ASAP1: variants seen among roughly 807,000 people sequenced by gnomAD.
ASAP1 encodes the protein ArfGAP with SH3 domain, ankyrin repeat and PH domain 1.
ASAP1 carries 43 observed loss-of-function variants against 145.2 expected under a neutral mutation model. The ratio of observed to expected loss-of-function variants is 0.30; its 90% CI spans 0.23 to 0.38. The LOEUF (loss-of-function observed/expected upper bound fraction) is 0.38, where lower values mean the gene tolerates loss of function less well. ASAP1 is among the 10% of genes least tolerant of loss of function. ASAP1 has a pLI of 1.00. For synonymous variants in ASAP1, 546 were observed against 515.5 expected (o/e 1.06, Z -0.80); for missense variants, 1,018 against 1,355.3 (o/e 0.75, Z 3.91).
intron 12 of ASAP1, among the ~76,000 whole-genome samples, chr8:130,154,050 T>C (rs2135970240): frequency 6.6e-6 from 1 of 151,990 alleles, no homozygotes; most frequent in Admixed American, 6.6e-5. Context: ...AAATTAAAGT[T>C]AAGAAAGTAA....
intron 24 of ASAP1, among the ~76,000 whole-genome samples, chr8:130,101,667 C>T (rs907317139): frequency 2.0e-5 from 3 of 149,880 alleles, no homozygotes; most frequent in Non-Finnish European, 4.4e-5. Flanking sequence ...TATGCTCAAG[C>T]GATCTTTTCA....
chr8:130,382,285 C>CAAAAAAAAAA (rs35060121), intron 2 of ASAP1, among the ~76,000 whole-genome samples: 2 of 73,482 alleles, frequency 2.7e-5, no homozygotes, highest in Non-Finnish European at 4.9e-5. Context: ...GATTCTGTCT[C>CAAAAAAAAAA]AAAAAAAAAA....
At chr8:130,410,277 G>A (rs1829208857) in intron 1 of ASAP1, among the ~76,000 whole-genome samples, 1 of 152,082 alleles carries the variant, frequency 6.6e-6, no homozygotes, top group African/African-American at 2.4e-5. Context: ...TGGTACCATA[G>A]GACCTACCTA....
In ASAP1 at chr8:130,167,584, A is replaced by C; in HGVS notation, c.861T>G (p.Thr287=). The C allele has an allele frequency of 1.9e-6, 3 of 1,613,578 alleles. No homozygotes were observed. Among genetic ancestry groups the C allele is most frequent in the Non-Finnish European group, 2.5e-6 (3 of 1,179,562 alleles). Residue 287 remains threonine, a synonymous_variant, in exon 11 of 30, where the codon ACT becomes ACG. Coordinates refer to ENST00000518721, the MANE Select transcript of ASAP1 (RefSeq NM_018482.4). ...AGGATTTTATTAAGTCTCGGAGTGC[A>C]GTTAGCTGTTTCTTTTCTTCATCCT... ...QTQDEEKKQL[T]ALRDLIKSSL...
At chr8:130,195,019 A>T (rs1245045975) in intron 5 of ASAP1, 2 of 152,190 alleles carry the variant, frequency 1.3e-5, no homozygotes, top group African/African-American at 2.4e-5. Flanking sequence ...ATAAATTTTT[A>T]AAAAAGCTTT....
intron 27 of ASAP1, among the ~76,000 whole-genome samples, chr8:130,075,418 C>T (rs1371316161): frequency 6.6e-6 from 1 of 152,122 alleles, no homozygotes; most frequent in Non-Finnish European, 1.5e-5. Context: ...TTTCAGCTTC[C>T]CAATACTAAC....
At chr8:130,238,137 T>C (rs1172679949) in intron 3 of ASAP1, among the ~76,000 whole-genome samples, 1 of 152,060 alleles carries the variant, frequency 6.6e-6, no homozygotes, top group African/African-American at 2.4e-5. Context: ...TGGTCTTTCC[T>C]ACCACCTTCC....
rs149904556 is a variant in ASAP1 at position 130,112,176 on chromosome 8, C to A, written c.2319G>T (p.Gln773His). ...QRLSYGAFTNQIFVSTSTDSP... is the reference protein window; with the variant it reads ...QRLSYGAFTNHIFVSTSTDSP... ...AGTCTGTGCTTGTGGAAACGAAGATCTGGTTGGTGAAGGCTCCATAGGAGA... is the reference window on the plus strand; with the variant it reads ...AGTCTGTGCTTGTGGAAACGAAGATATGGTTGGTGAAGGCTCCATAGGAGA... Residue 773 changes from glutamine to histidine, a missense_variant, in exon 24 of 30, where the codon CAG becomes CAT. By Grantham distance (24) the Gln-to-His change is conservative (BLOSUM62 0). This residue lies in a region of ASAP1 where 353 missense variants were observed against 375.4 expected (regional missense o/e 0.94). Coordinates refer to ENST00000518721, the MANE Select transcript of ASAP1 (RefSeq NM_018482.4). 1.9e-6 allele frequency: 3 copies of A among 1,613,982 alleles called. No homozygotes were observed. In the African/African-American group the frequency reaches 4.0e-5, roughly 22 times the overall value.
At chr8:130,125,831 A>G in intron 17 of ASAP1, 125 bp downstream of exon 17, 1 of 1,002,040 alleles carries the variant, frequency 1.0e-6, no homozygotes, top group Non-Finnish European at 1.4e-6. Context: ...CGTCTACGCA[A>G]ACTCACAAAA....
intron 3 of ASAP1, among the ~76,000 whole-genome samples, chr8:130,352,544 A>G (rs1028699489): frequency 6.6e-6 from 1 of 152,202 alleles, no homozygotes; most frequent in South Asian, 2.1e-4. Context: ...AGGTGAGGGA[A>G]CACACACAGA....
At position 130,219,829 on chromosome 8, in the gene ASAP1, G is replaced by A. The variant is rs532450277; in HGVS notation, c.260-5128C>T. On this transcript the variant is annotated intron_variant, in intron 4 of 29. Coordinates refer to ENST00000518721, the MANE Select transcript of ASAP1 (RefSeq NM_018482.4). ...GTTGAGACAAGGTCTTGCTATTGTA[G>A]ACCTGCGTGGAGTGCAGTGGCATGA... Among the ~76,000 whole-genome samples the A allele has an allele frequency of 5.3e-5, 8 of 152,286 alleles. No individual in the cohort carries two copies. In the East Asian group the frequency reaches 1.5e-3, roughly 29 times the overall value.
intron 7 of ASAP1, among the ~76,000 whole-genome samples, chr8:130,181,501 G>A (rs1404651625): frequency 6.6e-6 from 1 of 152,046 alleles, no homozygotes; most frequent in Non-Finnish European, 1.5e-5. Context: ...GGTCTTTGTG[G>A]GTATGCACAA....
At chr8:130,119,652 A>C (rs116021490) in intron 18 of ASAP1, among the ~76,000 whole-genome samples, 3,675 of 152,242 alleles carry the variant, frequency 0.024, 65 homozygotes, top group East Asian at 0.054. Context: ...GACAGCCTGG[A>C]TCCAGCTGTA....
chr8:130,305,330 G>C (rs1822926431), intron 3 of ASAP1, among the ~76,000 whole-genome samples: 1 of 152,144 alleles, frequency 6.6e-6, no homozygotes, highest in African/African-American at 2.4e-5. Context: ...CACATTGTAG[G>C]TACTCAATTA....
chr8:130,358,075 G>A lies in ASAP1; in HGVS notation c.128C>T (p.Thr43Met). ...ETTEDYNSPT[T>M]SSFTTRLHNC... ...GTGCAGCCGCGTGGTGAAGCTGGAC[G>A]TGGTGGGCGAGTTGTAGTCCTCGGT... The change falls in exon 3 of 30, where the codon ACG becomes ATG. Residue 43 changes from threonine to methionine, a missense_variant. Transcript: ENST00000518721. The surrounding 1 kb of genome is among the most constrained non-coding windows in gnomAD (Gnocchi z 4.1). 6.2e-7 allele frequency: 1 copy of A among 1,611,254 alleles called. No homozygotes were observed. The highest frequency in any genetic ancestry group is 8.5e-7 in the Non-Finnish European group (1 of 1,179,114).
chr8:130,379,088 C>G (rs1827641670), intron 2 of ASAP1, among the ~76,000 whole-genome samples: 1 of 152,120 alleles, frequency 6.6e-6, no homozygotes, highest in Admixed American at 6.5e-5. Context: ...AGCTCAATCA[C>G]CAATGGTCAA....
intron 9 of ASAP1, among the ~76,000 whole-genome samples, chr8:130,175,216 T>TTG (rs372810166): frequency 1.4e-4 from 21 of 151,482 alleles, no homozygotes; most frequent in African/African-American, 2.7e-4. Context: ...TTCTGGCCAT[T>TTG]TGTGTGTGTG....
At chr8:130,093,428 A>G (rs909590724) in intron 24 of ASAP1, among the ~76,000 whole-genome samples, 7 of 152,176 alleles carry the variant, frequency 4.6e-5, no homozygotes, top group African/African-American at 1.7e-4. Flanking sequence ...GCACTTTGAG[A>G]GGCCGAGGTG....
At chr8:130,312,013 A>G (rs889507389) in intron 3 of ASAP1, among the ~76,000 whole-genome samples, 9 of 152,092 alleles carry the variant, frequency 5.9e-5, no homozygotes, top group Admixed American at 5.9e-4. Flanking sequence ...TGTTCACCTC[A>G]TTAAATTCTA....
Sources: allele counts gnomAD v4.1 joint callset (sites outside exome capture counted in the v4.1 genomes callset), GRCh38; gene constraint gnomAD v4.1.1; regional missense constraint gnomAD v4.1.1; non-coding constraint Gnocchi (gnomAD v3.1); transcripts MANE v1.5; gene names NCBI Gene and HGNC (gene_info 2026-07-23, HGNC 2026-07-21).